The following PTPRD variants were observed in gnomAD, a reference collection of about 807,000 sequenced individuals.
The protein encoded by PTPRD is protein tyrosine phosphatase receptor type D.
Under a neutral mutation model 214.5 loss-of-function variants are expected in PTPRD, and 34 were observed. The observed-to-expected ratio is 0.16, with a 90% CI of 0.12 to 0.21. The LOEUF is 0.21. Among genes scored for constraint, PTPRD ranks in the 10% least tolerant of loss-of-function variants. The pLI is 1.00. For synonymous variants in PTPRD, 1,128 were observed against 845.7 expected, an observed-to-expected ratio of 1.33 and a Z score of -5.79; for missense variants, 2,545 against 2,398.7, an observed-to-expected ratio of 1.06 and a Z score of -1.27.
chr9:8,741,478 C>G (rs542950421), intron 11 of PTPRD, among the ~76,000 whole-genome samples: 1 of 149,382 alleles, frequency 6.7e-6, no homozygotes, highest in South Asian at 2.1e-4. Context: ...AGAAACAGAT[C>G]TTTCTCGCAA....
At chr9:10,086,434 T>A (rs1590763553) in intron 3 of PTPRD, among the ~76,000 whole-genome samples, 3 of 151,732 alleles carry the variant, frequency 2.0e-5, no homozygotes, top group South Asian at 4.2e-4. Context: ...GTCCCTTAAG[T>A]CCTAGTTCAA....
intron 9 of PTPRD, among the ~76,000 whole-genome samples, chr9:9,385,375 G>C (rs1401711896): frequency 6.6e-6 from 1 of 152,042 alleles, no homozygotes; most frequent in Admixed American, 6.6e-5. Flanking sequence ...ATAAACAAGA[G>C]GAAAGTGAGA....
chr9:9,968,826 G>A (rs2094894953), intron 4 of PTPRD, among the ~76,000 whole-genome samples: 1 of 152,104 alleles, frequency 6.6e-6, no homozygotes, highest in Non-Finnish European at 1.5e-5. Context: ...AGAAAGGAAA[G>A]AAAACTTAAT....
intron 3 of PTPRD, among the ~76,000 whole-genome samples, chr9:10,293,585 T>C (rs1453973487): frequency 6.6e-6 from 1 of 151,978 alleles, no homozygotes; most frequent in Admixed American, 6.6e-5. Context: ...GTTTATACAG[T>C]CTAACAGTAA....
intron 9 of PTPRD, among the ~76,000 whole-genome samples, chr9:9,214,272 A>G (rs542741256): frequency 1.3e-4 from 20 of 152,332 alleles, no homozygotes; most frequent in African/African-American, 3.8e-4. Context: ...GTTCCCCGAT[A>G]TGGTCCAGTG....
At chr9:10,344,841 G>A (rs947201569) in intron 2 of PTPRD, among the ~76,000 whole-genome samples, 1 of 152,044 alleles carries the variant, frequency 6.6e-6, no homozygotes, top group Non-Finnish European at 1.5e-5. Context: ...TGTTATTGGA[G>A]TTATACACTT....
At chr9:8,625,208 T>C (rs57726817) in intron 14 of PTPRD, among the ~76,000 whole-genome samples, 42,751 of 151,694 alleles carry the variant, frequency 0.28, 6,434 homozygotes, top group African/African-American at 0.4. Context: ...TATATATATA[T>C]ATACTACATG....
chr9:9,792,803 G>A (rs1049951674), intron 5 of PTPRD, among the ~76,000 whole-genome samples: 1 of 152,080 alleles, frequency 6.6e-6, no homozygotes, highest in Non-Finnish European at 1.5e-5. Flanking sequence ...AAGCAGCTGG[G>A]ACAGGTGTTA....
chr9:9,298,937 T>A (rs1044982135), intron 9 of PTPRD, among the ~76,000 whole-genome samples: 1 of 151,844 alleles, frequency 6.6e-6, no homozygotes, highest in Admixed American at 6.6e-5. Flanking sequence ...ATAAAAGGAG[T>A]CTATTTTTCT....
At chr9:9,011,793 A>T (rs1360331012) in intron 11 of PTPRD, among the ~76,000 whole-genome samples, 1 of 152,144 alleles carries the variant, frequency 6.6e-6, no homozygotes, top group East Asian at 1.9e-4. Flanking sequence ...GATTTCAGGG[A>T]AGGCCCTGGC....
At chr9:9,611,653 C>G (rs1001843652) in intron 7 of PTPRD, among the ~76,000 whole-genome samples, 1 of 151,648 alleles carries the variant, frequency 6.6e-6, no homozygotes, top group Non-Finnish European at 1.5e-5. Flanking sequence ...ACACACACAC[C>G]CACGTGTGTA....
intron 9 of PTPRD, among the ~76,000 whole-genome samples, chr9:9,228,725 G>A (rs893978725): frequency 2.6e-5 from 4 of 152,098 alleles, no homozygotes; most frequent in Non-Finnish European, 5.9e-5. Context: ...ACGTCATTAT[G>A]TATTTCAAAT....
intron 11 of PTPRD, among the ~76,000 whole-genome samples, chr9:8,821,063 C>A (rs1395890439): frequency 1.3e-5 from 2 of 152,154 alleles, no homozygotes; most frequent in African/African-American, 2.4e-5. Flanking sequence ...AGACCAGCAT[C>A]AGAAAATAAG....
chr9:10,456,788 G>A (rs1014970735), intron 2 of PTPRD, among the ~76,000 whole-genome samples: 1 of 151,840 alleles, frequency 6.6e-6, no homozygotes, highest in East Asian at 1.9e-4. Context: ...AAACAGCTTT[G>A]CAGATGATAC....
chr9:10,329,464 T>C (rs1423491901), intron 3 of PTPRD, among the ~76,000 whole-genome samples: 1 of 151,886 alleles, frequency 6.6e-6, no homozygotes, highest in African/African-American at 2.4e-5. Flanking sequence ...TGTCATTGGA[T>C]AGCATGTAAA....
chr9:8,845,181 A>C (rs2097664276), intron 11 of PTPRD, among the ~76,000 whole-genome samples: 1 of 123,670 alleles, frequency 8.1e-6, no homozygotes, highest in Non-Finnish European at 1.7e-5. Flanking sequence ...AAAAAACAAA[A>C]ACAAAAAAAA....
chr9:10,075,161 G>T (rs182184713), intron 3 of PTPRD, among the ~76,000 whole-genome samples: 1 of 152,116 alleles, frequency 6.6e-6, no homozygotes, highest in East Asian at 1.9e-4. Flanking sequence ...AGTGAAATAA[G>T]GCTTGTATCT....
At chr9:9,751,629 G>C (rs1012723237) in intron 6 of PTPRD, among the ~76,000 whole-genome samples, 4 of 152,034 alleles carry the variant, frequency 2.6e-5, no homozygotes, top group Non-Finnish European at 4.4e-5. Context: ...CTTTTAAAAA[G>C]AATAACGTGA....
At chr9:8,495,571 T>G (rs1298859419) in intron 26 of PTPRD, among the ~76,000 whole-genome samples, 1 of 152,188 alleles carries the variant, frequency 6.6e-6, no homozygotes, top group Non-Finnish European at 1.5e-5. Context: ...GACCAGAATT[T>G]AAACAAAGAA....
Sources: gnomAD v4.1 joint callset for allele counts (sites outside exome capture counted in the v4.1 genomes callset) on GRCh38, gnomAD v4.1.1 for gene constraint, MANE v1.5 for transcripts, NCBI Gene and HGNC (gene_info 2026-07-23, HGNC 2026-07-21) for gene names.